The following SERPINI1 variants were observed in gnomAD, a reference collection of about 807,000 sequenced individuals.
The protein encoded by SERPINI1 is serpin family I member 1, also known as neuroserpin.
In SERPINI1, 19 loss-of-function variants were observed where a neutral mutation model predicts 41.1. That is an observed-to-expected ratio of 0.46 (90% CI 0.32 to 0.68). The LOEUF (loss-of-function observed/expected upper bound fraction) is 0.68, where lower values mean the gene tolerates loss of function less well. Among genes scored for constraint, SERPINI1 ranks in the 30% least tolerant of loss-of-function variants. SERPINI1 has a pLI of 0.03. For missense variants in SERPINI1, 460 were observed against 479.2 expected, an observed-to-expected ratio of 0.96 and a Z score of 0.37; for synonymous variants, 138 against 156.6, an observed-to-expected ratio of 0.88 and a Z score of 0.89.
At chr3:167,763,564 G>A (rs759811591) in intron 1 of SERPINI1, among the ~76,000 whole-genome samples, 1 of 152,072 alleles carries the variant, frequency 6.6e-6, no homozygotes, top group Non-Finnish European at 1.5e-5. Flanking sequence ...TGTATCTTTG[G>A]TGGAGACGCA....
rs2108545005 is a variant in SERPINI1 at position 167,770,135 on chromosome 3, T to C, written c.-18-18976T>C. Among the ~76,000 whole-genome samples the C allele has an allele frequency of 1.3e-5, 2 of 151,996 alleles. 1 individual carries two copies. Among genetic ancestry groups the C allele is most frequent in the South Asian group, 4.1e-4 (2 of 4,826 alleles). On this transcript the variant is annotated intron_variant, in intron 1 of 8. Transcript: ENST00000446050. ...ATGCATATATATGCACACATATATG[T>C]ATGTGCCTATATGGAAAAGATATGT...
chr3:167,802,477 G>C (rs1727932260), intron 5 of SERPINI1, among the ~76,000 whole-genome samples: 1 of 150,952 alleles, frequency 6.6e-6, no homozygotes, highest in South Asian at 2.1e-4. Flanking sequence ...GACATGAACA[G>C]ACACTTCTCA....
intron 1 of SERPINI1, among the ~76,000 whole-genome samples, chr3:167,761,508 A>G (rs962027345): frequency 1.3e-5 from 2 of 152,134 alleles, no homozygotes; most frequent in African/African-American, 4.8e-5. Flanking sequence ...GGCTCATTCT[A>G]CCTTAACCCA....
intron 5 of SERPINI1, among the ~76,000 whole-genome samples, chr3:167,795,769 A>G (rs1020509339): frequency 2.0e-5 from 3 of 152,138 alleles, no homozygotes; most frequent in Admixed American, 2.0e-4. Context: ...TCCTGTAGAA[A>G]GAACACAGTA....
chr3:167,816,882 G>A (rs1262899978), intron 6 of SERPINI1, among the ~76,000 whole-genome samples: 2 of 151,992 alleles, frequency 1.3e-5, no homozygotes, highest in African/African-American at 2.4e-5. Flanking sequence ...ATGACAAAGC[G>A]TGCTATGTTG....
intron 1 of SERPINI1, among the ~76,000 whole-genome samples, chr3:167,766,123 G>T (rs1726558653): frequency 6.6e-6 from 1 of 151,742 alleles, no homozygotes; most frequent in African/African-American, 2.4e-5. Flanking sequence ...CACATTTGTG[G>T]GTATCTTTTC....
chr3:167,817,767 T>TC (rs1389847346), intron 6 of SERPINI1, among the ~76,000 whole-genome samples: 1 of 150,676 alleles, frequency 6.6e-6, no homozygotes, highest in East Asian at 2.0e-4. Flanking sequence ...CTGGCTAATT[T>TC]TTTTTGTATT....
At position 167,744,677 on chromosome 3, in the gene SERPINI1, A is replaced by AAT. The variant is rs1233744630; in HGVS notation, c.-19+8864_-19+8865dup. On this transcript the variant is annotated intron_variant, in intron 1 of 8. Coordinates refer to ENST00000446050, the MANE Select transcript of SERPINI1 (RefSeq NM_001122752.2). ...ATATAAATATAAAAATATATATATA[A>AAT]ATATATATATAAACATATATAAATA... Among the ~76,000 whole-genome samples, 785 of 100,300 alleles carry AAT rather than the reference A, an allele frequency of 7.8e-3. 25 individuals carry two copies. In the East Asian group the frequency reaches 0.1, roughly 13 times the overall value. 65.8% of individuals were successfully genotyped at this position (100,300 alleles called of 152,430 possible).
rs1475812007 is a variant in SERPINI1, at chr3:167,824,674, T to G, written c.1156+112T>G. 7.6e-6 allele frequency: 5 copies of G among 661,332 alleles called. No homozygotes were observed. The East Asian group carries it at 1.4e-4, about 18-fold the overall frequency. The allele number at this position is 661,332 out of a possible 1,614,324, so 41.0% of individuals were successfully genotyped here. On this transcript the variant is annotated intron_variant, in intron 8 of 8. Transcript: ENST00000446050. ...CATATAATTTCTTTTCACAATTTTA[T>G]TTATTTATTCTCTTTCCAGAGATTG... is the stretch of plus-strand genomic sequence containing the variant.
At chr3:167,824,825 G>T (rs547203014) in intron 8 of SERPINI1, among the ~76,000 whole-genome samples, 11 of 152,086 alleles carry the variant, frequency 7.2e-5, no homozygotes, top group Admixed American at 5.9e-4. Context: ...GATCACTTGA[G>T]GCCAGGAATT....
chr3:167,747,289 G>C (rs1456156232), intron 1 of SERPINI1, among the ~76,000 whole-genome samples: 1 of 152,128 alleles, frequency 6.6e-6, no homozygotes, highest in East Asian at 1.9e-4. Flanking sequence ...TCTTTCTGGG[G>C]TGATGAAATG....
intron 3 of SERPINI1, 59 bp from the exon 4 acceptor site, chr3:167,792,531 G>GT (rs1205310754): frequency 2.1e-6 from 3 of 1,420,988 alleles, no homozygotes; most frequent in Non-Finnish European, 3.0e-6. Flanking sequence ...AAATCTTCTG[G>GT]TCCCCCTTGA....
chr3:167,749,811 T>G (rs1203100671), intron 1 of SERPINI1, among the ~76,000 whole-genome samples: 1 of 152,142 alleles, frequency 6.6e-6, no homozygotes, highest in African/African-American at 2.4e-5. Context: ...AAATTAACAG[T>G]GACTCAATAT....
chr3:167,802,462 C>T (rs1322684798), intron 5 of SERPINI1, among the ~76,000 whole-genome samples: 3 of 150,116 alleles, frequency 2.0e-5, no homozygotes, highest in East Asian at 2.0e-4. Flanking sequence ...AAAAAGTGGC[C>T]GAAGGACATG....
chr3:167,804,998 C>T (rs921135114), intron 5 of SERPINI1, among the ~76,000 whole-genome samples: 4 of 151,420 alleles, frequency 2.6e-5, no homozygotes, highest in South Asian at 2.1e-4. Context: ...ATTCTGTTTA[C>T]GATCACTATA....
chr3:167,767,750 C>T (rs761350719), intron 1 of SERPINI1, among the ~76,000 whole-genome samples: 1 of 152,088 alleles, frequency 6.6e-6, no homozygotes, highest in Non-Finnish European at 1.5e-5. Context: ...TTGAGGGGTT[C>T]ATTGAAGTCT....
Position 167,790,371 on chromosome 3 carries a change from G to A in SERPINI1, c.251-1G>A, listed in dbSNP as rs1456626777. The A allele has an allele frequency of 6.3e-7, 1 of 1,594,560 alleles. No individual in the cohort carries two copies. Among genetic ancestry groups the A allele is most frequent in the Non-Finnish European group, 8.6e-7 (1 of 1,162,474 alleles). ...TAAACTTATCCTTTCTCATCTTTCA[G>A]GTGAAGAATTTTCTTTCTTGAAGGA... is the stretch of plus-strand genomic sequence containing the variant. On this transcript the variant is annotated splice_acceptor_variant, in intron 2 of 8. Coordinates refer to ENST00000446050, the MANE Select transcript of SERPINI1 (RefSeq NM_001122752.2). LOFTEE classifies it high-confidence loss of function.
At chr3:167,809,545 A>T (rs3804616) in intron 6 of SERPINI1, among the ~76,000 whole-genome samples, 17,197 of 152,254 alleles carry the variant, frequency 0.11, 1,067 homozygotes, top group Non-Finnish European at 0.14. Flanking sequence ...TTGCAGAGAC[A>T]GAGACAATAG....
chr3:167,757,852 G>A (rs2108538277), intron 1 of SERPINI1, among the ~76,000 whole-genome samples: 1 of 152,276 alleles, frequency 6.6e-6, no homozygotes, highest in Middle Eastern at 3.4e-3. Flanking sequence ...CCAGGAGGCG[G>A]AGATTGCAGT....
Sources: gnomAD v4.1 joint callset for allele counts (sites outside exome capture counted in the v4.1 genomes callset) on GRCh38, gnomAD v4.1.1 for gene constraint, MANE v1.5 for transcripts, NCBI Gene and HGNC (gene_info 2026-07-23, HGNC 2026-07-21) for gene names.